CIP2A: variants seen among roughly 807,000 people sequenced by gnomAD.
CIP2A encodes the protein cellular inhibitor of PP2A.
Under a neutral mutation model 110.9 loss-of-function variants are expected in CIP2A, and 103 were observed. The ratio of observed to expected loss-of-function variants is 0.93; its 90% CI spans 0.79 to 1.09. The LOEUF (loss-of-function observed/expected upper bound fraction) is 1.09. CIP2A is among the 50% of genes least tolerant of loss of function. CIP2A has a pLI of 0.00. For synonymous variants in CIP2A, 381 were observed against 361.6 expected (o/e 1.05, Z -0.61); for missense variants, 1,088 against 1,038.4 (o/e 1.05, Z -0.66).
intron 10 of CIP2A, among the ~76,000 whole-genome samples, chr3:108,567,930 A>G (rs781064510): frequency 3.9e-5 from 6 of 152,024 alleles, no homozygotes; most frequent in Non-Finnish European, 8.8e-5. Flanking sequence ...TAAAAAATGT[A>G]CTTTAACTTA....
At position 108,557,319 on chromosome 3, in the gene CIP2A, C is replaced by A. The variant is rs148609942; in HGVS notation, c.2109G>T (p.Ala703=). ...LKAQQVESER[A]QSDIEHLFQH... Reference sequence around the variant, plus strand: ...GAAAGAGATGCTCAATATCACTCTGCGCTCTTTCTGATTCAACTTGCTGCG... The same window carrying A: ...GAAAGAGATGCTCAATATCACTCTGAGCTCTTTCTGATTCAACTTGCTGCG... The change falls in exon 17 of 21, where the codon GCG becomes GCT. Residue 703 remains alanine (A), a synonymous_variant. Transcript: ENST00000295746. 1.2e-5 allele frequency: 20 copies of A among 1,612,458 alleles called. No homozygotes were observed. The highest frequency in any genetic ancestry group is 1.7e-5 in the Non-Finnish European group (20 of 1,178,894).
At chr3:108,565,543 C>A (rs994037776) in intron 11 of CIP2A, 89 bp from the exon 12 acceptor site, 32 of 653,806 alleles carry the variant, frequency 4.9e-5, no homozygotes, top group Non-Finnish European at 7.9e-5. Flanking sequence ...ATGAAAAAAA[C>A]CAACACTTGT....
Position 108,569,177 on chromosome 3 carries a change from T to TATATATATATATATATAC in CIP2A, c.1113+211_1113+212insGTATATATATATATATAT, listed in dbSNP as rs374983042. Among the ~76,000 whole-genome samples the TATATATATATATATATAC allele has an allele frequency of 6.2e-3, 431 of 69,020 alleles. 46 individuals are homozygous for TATATATATATATATATAC. Among genetic ancestry groups the TATATATATATATATATAC allele is most frequent in the African/African-American group, 0.018 (382 of 21,798 alleles). 45.3% of individuals were successfully genotyped at this position (69,020 alleles called of 152,430 possible). On this transcript the variant is annotated intron_variant, in intron 9 of 20. Transcript: ENST00000295746. ...TACACTGAAATGAGCACTATATATA[T>TATATATATATATATATAC]ATATACATACACACTACTCAGTGAA...
chr3:108,562,556 T>G (rs1160303725), intron 13 of CIP2A, among the ~76,000 whole-genome samples: 2 of 152,196 alleles, frequency 1.3e-5, no homozygotes, highest in African/African-American at 4.8e-5. Flanking sequence ...CAGAGAGCCC[T>G]GAAATCTGAA....
At chr3:108,582,452 A>G (rs144419608) in intron 3 of CIP2A, among the ~76,000 whole-genome samples, 8 of 152,310 alleles carry the variant, frequency 5.3e-5, no homozygotes, top group African/African-American at 1.7e-4. Context: ...GCAGTTTGAA[A>G]CACACATGTA....
At chr3:108,554,554 T>A in intron 17 of CIP2A, 65 bp from the exon 18 acceptor site, 1 of 692,734 alleles carries the variant, frequency 1.4e-6, no homozygotes, top group African/African-American at 1.8e-5. Flanking sequence ...GAAAAGAAGC[T>A]CACAGTGTTT....
chr3:108,563,388 A>G (rs760026536), intron 12 of CIP2A, 144 bp from the exon 13 acceptor site: 6 of 615,318 alleles, frequency 9.8e-6, no homozygotes, highest in Non-Finnish European at 1.8e-5. Context: ...ATTATAGTCT[A>G]TATAGTTTGA....
At chr3:108,564,389 G>A (rs1938111638) in intron 12 of CIP2A, among the ~76,000 whole-genome samples, 1 of 151,964 alleles carries the variant, frequency 6.6e-6, no homozygotes, top group African/African-American at 2.4e-5. Flanking sequence ...TTAAGCTACT[G>A]CAGTAATTTA....
At chr3:108,582,887 T>C (rs1576319439) in intron 3 of CIP2A, 90 bp downstream of exon 3, 1 of 670,712 alleles carries the variant, frequency 1.5e-6, no homozygotes, top group East Asian at 2.9e-5. Context: ...ATATAGCATA[T>C]ATACACTGTA....
intron 8 of CIP2A, among the ~76,000 whole-genome samples, chr3:108,573,686 G>A (rs1938473271): frequency 6.6e-6 from 1 of 151,998 alleles, no homozygotes; most frequent in South Asian, 2.1e-4. Flanking sequence ...ATTAGAAATA[G>A]TTCTCATATT....
At chr3:108,560,550 T>C (rs889885859) in intron 14 of CIP2A, 99 bp downstream of exon 14, 4 of 663,820 alleles carry the variant, frequency 6.0e-6, no homozygotes, top group African/African-American at 5.6e-5. Flanking sequence ...AAGGTTTCAA[T>C]AGTGAAATCT....
intron 4 of CIP2A, among the ~76,000 whole-genome samples, chr3:108,581,728 T>C (rs951354779): frequency 6.6e-6 from 1 of 152,166 alleles, no homozygotes; most frequent in Non-Finnish European, 1.5e-5. Context: ...TTCAATTCCA[T>C]CATGAAAACA....
At chr3:108,571,377 CCAT>C (rs1024967755) in intron 8 of CIP2A, among the ~76,000 whole-genome samples, 4 of 152,134 alleles carry the variant, frequency 2.6e-5, no homozygotes, top group Non-Finnish European at 5.9e-5. Flanking sequence ...CATTGCACCA[CCAT>C]GTTAGAATGG....
intron 16 of CIP2A, among the ~76,000 whole-genome samples, chr3:108,559,200 G>A (rs570986054): frequency 7.2e-5 from 11 of 152,256 alleles, no homozygotes; most frequent in Non-Finnish European, 1.0e-4. Context: ...TATTTAGAAG[G>A]TAGAATCAAC....
At chr3:108,562,981 C>T (rs907405726) in intron 13 of CIP2A, 145 bp downstream of exon 13, 4 of 638,816 alleles carry the variant, frequency 6.3e-6, no homozygotes, top group East Asian at 2.5e-5. Context: ...AAGAATCAAA[C>T]ATTTTTAGAA....
intron 8 of CIP2A, among the ~76,000 whole-genome samples, chr3:108,571,290 A>G (rs1559696760): frequency 6.6e-6 from 1 of 152,196 alleles, no homozygotes; most frequent in East Asian, 1.9e-4. Flanking sequence ...ATACAATCTT[A>G]ATATGTGTTA....
chr3:108,558,250 CA>C (rs1937879908), intron 16 of CIP2A, among the ~76,000 whole-genome samples: 1 of 151,024 alleles, frequency 6.6e-6, no homozygotes, highest in Non-Finnish European at 1.5e-5. Context: ...TTAAAATAAG[CA>C]AAAAAGAAAG....
intron 1 of CIP2A, among the ~76,000 whole-genome samples, chr3:108,588,888 G>A (rs1192462149): frequency 6.6e-6 from 1 of 152,204 alleles, no homozygotes; most frequent in Non-Finnish European, 1.5e-5. Flanking sequence ...ATAGATTACC[G>A]AAGGGCAAAA....
Position 108,582,167 on chromosome 3 carries a change from G to C in CIP2A, c.393C>G (p.Val131=), listed in dbSNP as rs1424836949. ...IQLLQKLTYN[V]KIFYSGANID... Reference sequence around the variant, plus strand: ...TATTGGCACCAGAATAGAAAATTTTGACATTATATGTTAACTTCTGTAGAA... The same window carrying C: ...TATTGGCACCAGAATAGAAAATTTTCACATTATATGTTAACTTCTGTAGAA... Residue 131 remains valine (V), a synonymous_variant, in exon 4 of 21, where the codon GTC becomes GTG. Transcript: ENST00000295746. 53 of 1,484,800 alleles carry C rather than the reference G, an allele frequency of 3.6e-5. No individual in the cohort carries two copies. Among genetic ancestry groups the C allele is most frequent in the Non-Finnish European group, 4.8e-5 (52 of 1,078,822 alleles). The allele number at this position is 1,484,800 out of a possible 1,614,324, so 92.0% of individuals were successfully genotyped here. A position where few individuals can be genotyped will look rare whatever the true frequency, so the allele number is the denominator to read the frequency against.
Sources: gnomAD v4.1 joint callset for allele counts (sites outside exome capture counted in the v4.1 genomes callset) on GRCh38, gnomAD v4.1.1 for gene constraint, MANE v1.5 for transcripts, NCBI Gene and HGNC (gene_info 2026-07-23, HGNC 2026-07-21) for gene names.